Variants in TNNI3K observed in about 807,000 individuals in gnomAD.
TNNI3K encodes serine/threonine-protein kinase TNNI3K.
In TNNI3K, 140 loss-of-function variants were observed where a neutral mutation model predicts 114.5. The observed-to-expected ratio is 1.22, with a 90% confidence interval of 1.07 to 1.41. TNNI3K has a LOEUF of 1.41. Among genes scored for constraint, TNNI3K ranks in the 40% most tolerant of loss-of-function variants. TNNI3K has a pLI of 0.00. For synonymous variants in TNNI3K, 347 were observed against 347.5 expected (o/e 1.00, Z 0.02); for missense variants, 1,125 against 1,007.6 (o/e 1.12, Z -1.58).
intron 23 of TNNI3K, among the ~76,000 whole-genome samples, chr1:74,507,937 G>A (rs923246565): frequency 4.6e-5 from 7 of 152,174 alleles, no homozygotes; most frequent in Non-Finnish European, 1.0e-4. Context: ...CTGGGAGTTT[G>A]CCAGGAACCA....
At chr1:74,249,661 T>C in intron 3 of TNNI3K, 117 bp downstream of exon 3, 2 of 994,300 alleles carry the variant, frequency 2.0e-6, no homozygotes, top group Non-Finnish European at 2.8e-6. Context: ...CCCTTCTGCT[T>C]TGCCTTTTCC....
chr1:74,540,729 T>C lies in TNNI3K; in HGVS notation c.2431+416T>C, dbSNP rs182781163. Among the ~76,000 whole-genome samples the C allele has an allele frequency of 2.1e-3, 313 of 151,436 alleles. 1 individual carries two copies. Among genetic ancestry groups the C allele is most frequent in the African/African-American group, 7.2e-3 (297 of 41,236 alleles). On this transcript the variant is annotated intron_variant, in intron 24 of 24. Coordinates refer to ENST00000326637, the MANE Select transcript of TNNI3K (RefSeq NM_015978.3). ...GGGTAGGGAGAGGAAAAACAAGAGA[T>C]GAATTTTCACAATTACCTAATATGT...
At chr1:74,399,176 A>G (rs1172427669) in intron 17 of TNNI3K, among the ~76,000 whole-genome samples, 1 of 151,140 alleles carries the variant, frequency 6.6e-6, no homozygotes, top group Non-Finnish European at 1.5e-5. Context: ...AAAAAAAAAA[A>G]AAACACCCAA....
chr1:74,290,547 G>A (rs1657615230), intron 5 of TNNI3K, among the ~76,000 whole-genome samples: 1 of 151,622 alleles, frequency 6.6e-6, no homozygotes, highest in South Asian at 2.1e-4. Context: ...ATTAAATATT[G>A]ATTAAATCAA....
At chr1:74,350,036 C>A (rs1040557162) in intron 9 of TNNI3K, among the ~76,000 whole-genome samples, 1 of 152,126 alleles carries the variant, frequency 6.6e-6, no homozygotes, top group African/African-American at 2.4e-5. Flanking sequence ...TTTGCTCTTG[C>A]TTCTCTAGTT....
At chr1:74,443,294 T>C (rs1240206905) in intron 20 of TNNI3K, among the ~76,000 whole-genome samples, 2 of 151,698 alleles carry the variant, frequency 1.3e-5, no homozygotes, top group East Asian at 1.9e-4. Flanking sequence ...AAGAGAATAA[T>C]CAAATAGGCA....
chr1:74,260,392 A>C (rs957414736), intron 4 of TNNI3K, among the ~76,000 whole-genome samples: 1 of 152,152 alleles, frequency 6.6e-6, no homozygotes, highest in Non-Finnish European at 1.5e-5. Flanking sequence ...CTTAAGAAAG[A>C]CTGTCAGCTT....
intron 17 of TNNI3K, among the ~76,000 whole-genome samples, chr1:74,397,405 C>T (rs548301663): frequency 6.6e-6 from 1 of 152,268 alleles, no homozygotes; most frequent in Non-Finnish European, 1.5e-5. Flanking sequence ...TGCCACGGCC[C>T]TGCTCGTAGA....
chr1:74,393,215 G>A (rs1327670858), intron 17 of TNNI3K, among the ~76,000 whole-genome samples: 1 of 152,004 alleles, frequency 6.6e-6, no homozygotes, highest in Non-Finnish European at 1.5e-5. Context: ...TTAAAGCAGT[G>A]GAGAAGGACA....
chr1:74,250,847 T>TTC, intron 4 of TNNI3K, 78 bp downstream of exon 4: 2 of 1,257,478 alleles, frequency 1.6e-6, no homozygotes, highest in Non-Finnish European at 2.1e-6. Flanking sequence ...TTTTTTTTTT[T>TTC]CAAATTAGTA....
intron 23 of TNNI3K, among the ~76,000 whole-genome samples, chr1:74,512,255 G>T (rs1030508340): frequency 5.3e-5 from 8 of 152,258 alleles, no homozygotes; most frequent in African/African-American, 1.9e-4. Flanking sequence ...GGGATAATAT[G>T]GTAATCTAGA....
intron 3 of TNNI3K, 132 bp downstream of exon 3, chr1:74,249,676 T>C: frequency 1.3e-6 from 1 of 755,960 alleles, no homozygotes; most frequent in South Asian, 3.0e-5. Context: ...TTTTCCAACC[T>C]TGATAATCTC....
chr1:74,437,520 G>A (rs543623182), intron 19 of TNNI3K, among the ~76,000 whole-genome samples: 21 of 151,954 alleles, frequency 1.4e-4, no homozygotes, highest in Non-Finnish European at 2.6e-4. Flanking sequence ...CATTTAATAA[G>A]AGGCCTGACA....
intron 4 of TNNI3K, among the ~76,000 whole-genome samples, chr1:74,269,991 T>G (rs1330443169): frequency 1.3e-5 from 2 of 151,786 alleles, no homozygotes; most frequent in Admixed American, 6.6e-5. Flanking sequence ...AAAGAGATGA[T>G]CTAATCATAG....
At chr1:74,331,939 T>A (rs1482524604) in intron 6 of TNNI3K, among the ~76,000 whole-genome samples, 1 of 152,136 alleles carries the variant, frequency 6.6e-6, no homozygotes, top group Non-Finnish European at 1.5e-5. Flanking sequence ...GGATGCAATA[T>A]AAATTGTTTG....
intron 9 of TNNI3K, among the ~76,000 whole-genome samples, chr1:74,352,454 C>G (rs1001861302): frequency 3.9e-4 from 57 of 147,480 alleles, no homozygotes; most frequent in South Asian, 4.3e-4. Flanking sequence ...ATTCTCAGAT[C>G]TCAAGCTGCA....
At chr1:74,460,257 T>C (rs1667399867) in intron 20 of TNNI3K, among the ~76,000 whole-genome samples, 1 of 152,022 alleles carries the variant, frequency 6.6e-6, no homozygotes, top group African/African-American at 2.4e-5. Flanking sequence ...TTAGTAGAGA[T>C]GCGGTTTCAC....
intron 23 of TNNI3K, among the ~76,000 whole-genome samples, chr1:74,518,216 A>T (rs1646376565): frequency 6.6e-6 from 1 of 152,186 alleles, no homozygotes; most frequent in African/African-American, 2.4e-5. Context: ...TGGAGGAAAA[A>T]AGAGTTGTCA....
chr1:74,485,810 G>A (rs75249387), intron 21 of TNNI3K, among the ~76,000 whole-genome samples: 2,931 of 152,210 alleles, frequency 0.019, 95 homozygotes, highest in African/African-American at 0.067. Flanking sequence ...TCTAGAATTT[G>A]AGAGTCATTT....
Sources: allele counts gnomAD v4.1 joint callset (sites outside exome capture counted in the v4.1 genomes callset), GRCh38; gene constraint gnomAD v4.1.1; transcripts MANE v1.5; gene names NCBI Gene and HGNC (gene_info 2026-07-23, HGNC 2026-07-21).